The following CSNK2A2 variants were observed in gnomAD, a reference collection of about 807,000 sequenced individuals.
The protein encoded by CSNK2A2 is casein kinase 2 alpha 2.
Under a neutral mutation model 54.0 loss-of-function variants are expected in CSNK2A2, and 8 were observed. The ratio of observed to expected loss-of-function variants is 0.15; its 90% CI spans 0.09 to 0.27. The LOEUF is 0.27. Among genes scored for constraint, CSNK2A2 ranks in the 10% least tolerant of loss-of-function variants. The probability of loss-of-function intolerance (pLI) is 1.00; values close to 1 mark genes in which losing one functional copy is unlikely to be tolerated. For synonymous variants in CSNK2A2, 141 were observed against 153.9 expected (o/e 0.92, Z 0.62); for missense variants, 242 against 439.4 (o/e 0.55, Z 4.02).
chr16:58,166,622 G>A lies in CSNK2A2; in HGVS notation c.789C>T (p.His263=). The A allele has an allele frequency of 1.2e-6, 2 of 1,613,406 alleles. No individual in the cohort carries two copies. The highest frequency in any genetic ancestry group is 1.7e-6 in the Non-Finnish European group (2 of 1,179,458). ...EELYGYLKKY[H]IDLDPHFNDI... ...CGTTGAAGTGTGGATCTAGGTCTAT[G>A]TGATACTTCTTCAGATACCCATACA... Residue 263 remains histidine, a synonymous_variant, in exon 9 of 12, where the codon CAC becomes CAT. Coordinates refer to ENST00000262506, the MANE Select transcript of CSNK2A2 (RefSeq NM_001896.4).
chr16:58,197,863 G>A lies in CSNK2A2; in HGVS notation c.-127C>T, dbSNP rs1962515504. 6.7e-6 allele frequency: 1 copy of A among 148,312 alleles called. No individual in the cohort carries two copies. The highest frequency in any genetic ancestry group is 2.6e-5 in the African/African-American group (1 of 38,990). 9.2% of individuals were successfully genotyped at this position (148,312 alleles called of 1,614,324 possible). On this transcript the variant is annotated 5_prime_UTR_variant, in exon 1 of 12. Coordinates refer to ENST00000262506, the MANE Select transcript of CSNK2A2 (RefSeq NM_001896.4). The surrounding 1 kb of genome is among the most constrained non-coding windows in gnomAD (Gnocchi z 4.0). Reference sequence around the variant, plus strand: ...GCTGGAGGAGGAGGAGGAGGAGCGCGGCGGCGGGCGGCCGCGCCAGGCCGG... The same window carrying A: ...GCTGGAGGAGGAGGAGGAGGAGCGCAGCGGCGGGCGGCCGCGCCAGGCCGG...
At chr16:58,159,312 A>G (rs1055298224) in intron 11 of CSNK2A2, among the ~76,000 whole-genome samples, 30 of 152,238 alleles carry the variant, frequency 2.0e-4, no homozygotes, top group African/African-American at 7.2e-4. Context: ...GCAGAGCACC[A>G]GGCCACAAGG....
At chr16:58,178,283 C>CA (rs907740942) in intron 4 of CSNK2A2, among the ~76,000 whole-genome samples, 15 of 149,194 alleles carry the variant, frequency 1.0e-4, no homozygotes, top group African/African-American at 3.7e-4. Context: ...TCTTGAGGCG[C>CA]TTTTTTTTTC....
At chr16:58,167,658 C>T (rs747964691) in intron 7 of CSNK2A2, 27 bp downstream of exon 7, 2 of 1,546,856 alleles carry the variant, frequency 1.3e-6, no homozygotes, top group Admixed American at 1.7e-5. Context: ...TATAAATAAC[C>T]CAGAATAGCT....
intron 2 of CSNK2A2, among the ~76,000 whole-genome samples, chr16:58,192,375 A>C (rs555129091): frequency 6.6e-6 from 1 of 152,282 alleles, no homozygotes; most frequent in South Asian, 2.1e-4. Flanking sequence ...TATTAAAGGG[A>C]TAAAACTATT....
chr16:58,174,624 G>A (rs1444628046), intron 4 of CSNK2A2, 114 bp from the exon 5 acceptor site: 2 of 648,980 alleles, frequency 3.1e-6, no homozygotes, highest in Non-Finnish European at 5.1e-6. Context: ...GGAATCCCAT[G>A]ACTTTTTTAC....
chr16:58,193,746 G>A (rs918621721), intron 2 of CSNK2A2, among the ~76,000 whole-genome samples: 1 of 152,178 alleles, frequency 6.6e-6, no homozygotes, highest in African/African-American at 2.4e-5. Flanking sequence ...ATCAAAAGAT[G>A]AAACTTTTGG....
intron 2 of CSNK2A2, among the ~76,000 whole-genome samples, chr16:58,193,167 C>T (rs1962357360): frequency 6.6e-6 from 1 of 152,110 alleles, no homozygotes; most frequent in Admixed American, 6.5e-5. Flanking sequence ...TGTCTTCATA[C>T]ACATGCCTAA....
intron 4 of CSNK2A2, among the ~76,000 whole-genome samples, chr16:58,178,709 T>C (rs1961946280): frequency 1.3e-5 from 2 of 152,194 alleles, no homozygotes; most frequent in African/African-American, 4.8e-5. Flanking sequence ...TTTTGGCATA[T>C]ATGAAGCATA....
At chr16:58,180,039 A>C (rs1050029675) in intron 4 of CSNK2A2, among the ~76,000 whole-genome samples, 35 of 149,744 alleles carry the variant, frequency 2.3e-4, no homozygotes, top group African/African-American at 8.6e-4. Context: ...AGACTGTGCC[A>C]CTGCACTCCA....
chr16:58,190,227 A>G (rs192202908), intron 2 of CSNK2A2, among the ~76,000 whole-genome samples: 1 of 152,052 alleles, frequency 6.6e-6, no homozygotes, highest in Non-Finnish European at 1.5e-5. Flanking sequence ...CAATAAAAAA[A>G]TTTTTTTTTA....
At chr16:58,170,691 T>C (rs796559239) in intron 5 of CSNK2A2, among the ~76,000 whole-genome samples, 20 of 152,250 alleles carry the variant, frequency 1.3e-4, no homozygotes, top group African/African-American at 4.6e-4. Context: ...TAAAGTGGTA[T>C]CTCCATGTGG....
rs570951389 is a variant in CSNK2A2, at chr16:58,172,908, A to G, written c.429+1543T>C. Among the ~76,000 whole-genome samples, 5 of 152,324 alleles carry G rather than the reference A, an allele frequency of 3.3e-5. No homozygotes were observed. The South Asian group carries it at 1.0e-3, about 32-fold the overall frequency. On this transcript the variant is annotated intron_variant, in intron 5 of 11. Transcript: ENST00000262506. Reference sequence around the variant, plus strand: ...AGTGACACCCACATGTCCACCTGGGAAGACCTGCATTAGTTGGATGTCTTT... The same window carrying G: ...AGTGACACCCACATGTCCACCTGGGGAGACCTGCATTAGTTGGATGTCTTT...
Position 58,166,694 on chromosome 16 carries a change from AAAAC to A in CSNK2A2, c.727-14_727-11del, listed in dbSNP as rs1269356990. ...TGGCAATGCGAACAAGCTGAAACAC[AAAAC>A]AAACTGACCAAATCACTGAGCACAG... On this transcript the variant is annotated splice_polypyrimidine_tract_variant and intron_variant, in intron 8 of 11. Coordinates refer to ENST00000262506, the MANE Select transcript of CSNK2A2 (RefSeq NM_001896.4). The A allele has an allele frequency of 6.3e-7, 1 of 1,599,850 alleles. No individual in the cohort carries two copies. The highest frequency in any genetic ancestry group is 1.3e-5 in the African/African-American group (1 of 74,772).
chr16:58,168,315 C>T (rs966013598), intron 6 of CSNK2A2, among the ~76,000 whole-genome samples: 1 of 152,104 alleles, frequency 6.6e-6, no homozygotes, highest in Non-Finnish European at 1.5e-5. Context: ...GTCTGCGGGT[C>T]ATCAAGAAAT....
intron 5 of CSNK2A2, among the ~76,000 whole-genome samples, chr16:58,170,622 A>G (rs1339752010): frequency 3.3e-5 from 5 of 152,074 alleles, no homozygotes; most frequent in African/African-American, 1.2e-4. Flanking sequence ...AAGTTTCTCC[A>G]CATTCTCATC....
At position 58,193,292 on chromosome 16, in the gene CSNK2A2, G is replaced by A. The variant is rs79079428; in HGVS notation, c.216+3441C>T. On this transcript the variant is annotated intron_variant, in intron 2 of 11. Coordinates refer to ENST00000262506, the MANE Select transcript of CSNK2A2 (RefSeq NM_001896.4). ...TCACGATGAAGCTACTAACAAAGAT[G>A]TATAACCAATGCCCATCCTTTTAAC... 3.1e-3 allele frequency among the ~76,000 whole-genome samples: 471 copies of A among 152,308 alleles called. 13 individuals are homozygous for A. In the East Asian group the frequency reaches 0.077, roughly 25 times the overall value.
chr16:58,166,255 AAAAC>A (rs1401747352), intron 9 of CSNK2A2, among the ~76,000 whole-genome samples: 1 of 152,230 alleles, frequency 6.6e-6, no homozygotes, highest in African/African-American at 2.4e-5. Context: ...AATATAATAA[AAAAC>A]AAACTAAGTC....
intron 10 of CSNK2A2, among the ~76,000 whole-genome samples, 187 bp from the exon 11 acceptor site, chr16:58,164,334 G>C: frequency 6.6e-6 from 1 of 152,148 alleles, no homozygotes; most frequent in East Asian, 1.9e-4. Context: ...AAAATGATCA[G>C]GGAAATTGTT....
Sources: allele counts gnomAD v4.1 joint callset (sites outside exome capture counted in the v4.1 genomes callset), GRCh38; gene constraint gnomAD v4.1.1; non-coding constraint Gnocchi (gnomAD v3.1); transcripts MANE v1.5; gene names NCBI Gene and HGNC (gene_info 2026-07-23, HGNC 2026-07-21).